The following TUBA4B variants were observed in gnomAD, a reference collection of about 807,000 sequenced individuals.
TUBA4B encodes tubulin alpha 4b, also known as tubulin-like protein alpha-4B.
TUBA4B carries 13 observed loss-of-function variants against 18.4 expected under a neutral mutation model. The ratio of observed to expected loss-of-function variants is 0.71; its 90% CI spans 0.46 to 1.12. TUBA4B has a LOEUF of 1.12. Among genes scored for constraint, TUBA4B ranks in the 50% most tolerant of loss-of-function variants. The pLI, the probability that TUBA4B is intolerant of heterozygous loss-of-function variation, is 0.00. For missense variants in TUBA4B, 244 were observed against 250.0 expected (o/e 0.98, Z 0.16); for synonymous variants, 101 against 99.1 (o/e 1.02, Z -0.11).
intron 2 of TUBA4B, among the ~76,000 whole-genome samples, chr2:219,268,312 C>T (rs1279423934): frequency 6.6e-6 from 1 of 151,958 alleles, no homozygotes; most frequent in Non-Finnish European, 1.5e-5. Flanking sequence ...TCAGGATGGT[C>T]TCGAGCTCCT....
chr2:219,260,188 G>C (rs906486428), intron 1 of TUBA4B, among the ~76,000 whole-genome samples: 2 of 151,920 alleles, frequency 1.3e-5, no homozygotes, highest in African/African-American at 4.8e-5. Flanking sequence ...CCAGTCTCAG[G>C]TTCTCTTATT....
At chr2:219,270,995 G>A (rs2125078140) in intron 3 of TUBA4B, among the ~76,000 whole-genome samples, 171 bp from the exon 4 acceptor site, 1 of 152,270 alleles carries the variant, frequency 6.6e-6, no homozygotes, top group South Asian at 2.1e-4. Flanking sequence ...GGGACAGGGA[G>A]GAGAAAGGGT....
chr2:219,254,372 G>A (rs1358930472), intron 1 of TUBA4B: 1 of 152,774 alleles, frequency 6.5e-6, no homozygotes, highest in Non-Finnish European at 1.5e-5. Flanking sequence ...GTGAGGCTGT[G>A]GCGCGTCCCC....
intron 2 of TUBA4B, among the ~76,000 whole-genome samples, chr2:219,268,105 CTTTTTTTT>C (rs544596055): frequency 1.7e-5 from 2 of 118,734 alleles, no homozygotes; most frequent in East Asian, 5.6e-4. Context: ...AACTCATTAT[CTTTTTTTT>C]TTTTTTTTTT....
At chr2:219,266,890 G>A (rs1951793661) in intron 2 of TUBA4B, among the ~76,000 whole-genome samples, 1 of 152,130 alleles carries the variant, frequency 6.6e-6, no homozygotes, top group African/African-American at 2.4e-5. Context: ...AGAAAGTGTA[G>A]GCGATTTCCT....
chr2:219,266,705 G>T, intron 2 of TUBA4B, 139 bp downstream of exon 2: 2 of 625,480 alleles, frequency 3.2e-6, no homozygotes, highest in South Asian at 1.8e-5. Context: ...GAGGGAAAGA[G>T]ACTTCCAGAT....
intron 1 of TUBA4B, among the ~76,000 whole-genome samples, chr2:219,263,679 C>T (rs1324259418): frequency 6.6e-6 from 1 of 152,136 alleles, no homozygotes; most frequent in African/African-American, 2.4e-5. Flanking sequence ...ATGGGCCAAC[C>T]CAGTAGAAGG....
chr2:219,271,218 G>T lies in TUBA4B; in HGVS notation c.245G>T (p.Arg82Leu). ...QGFLVFHSLG[R>L]GTGSDVTSFL... ...TTCCTGGTGTTCCACAGCCTTGGTC[G>T]GGGCACTGGCTCTGACGTCACCTCA... The change falls in exon 4 of 4, where the codon CGG becomes CTG. Residue 82 changes from arginine (R) to leucine (L), a missense_variant. Arg to Leu is a moderately radical substitution (Grantham distance 102). Coordinates refer to ENST00000490341, the MANE Select transcript of TUBA4B (RefSeq NM_001355221.1). The T allele has an allele frequency of 8.6e-7, 1 of 1,163,578 alleles. No individual in the cohort carries two copies. The highest frequency in any genetic ancestry group is 1.3e-6 in the Non-Finnish European group (1 of 769,456). The allele number at this position is 1,163,578 out of a possible 1,614,324, so 72.1% of individuals were successfully genotyped here.
chr2:219,270,211 G>A lies in TUBA4B; in HGVS notation c.68G>A (p.Arg23His), dbSNP rs765471409. 2.5e-5 allele frequency: 19 copies of A among 755,008 alleles called. No individual in the cohort carries two copies. Among genetic ancestry groups the A allele is most frequent in the Admixed American group, 9.0e-5 (5 of 55,710 alleles). The allele number at this position is 755,008 out of a possible 1,614,324, so 46.8% of individuals were successfully genotyped here. Residue 23 changes from arginine (R) to histidine (H), a missense_variant, in exon 3 of 4, where the codon CGC becomes CAC. Transcript: ENST00000490341. ...QPLSRQHGTY[R>H]QIFHPEQLIT... ...GATGAACTTTGAACAGGCACATACC[G>A]CCAGATCTTCCATCCAGAGCAGCTC...
intron 2 of TUBA4B, among the ~76,000 whole-genome samples, chr2:219,268,436 G>A (rs1437548645): frequency 1.3e-5 from 2 of 152,128 alleles, no homozygotes; most frequent in East Asian, 3.9e-4. Context: ...AGGGATTGAG[G>A]GTGGGAAATT....
intron 1 of TUBA4B, among the ~76,000 whole-genome samples, chr2:219,264,698 A>G (rs1401614155): frequency 6.6e-6 from 1 of 152,152 alleles, no homozygotes; most frequent in East Asian, 1.9e-4. Context: ...ATGGAGTAGG[A>G]TGGCACTAGA....
intron 3 of TUBA4B, among the ~76,000 whole-genome samples, chr2:219,270,733 C>T (rs574529948): frequency 4.6e-5 from 7 of 152,042 alleles, no homozygotes; most frequent in Admixed American, 6.5e-5. Flanking sequence ...TTGGCTTCTA[C>T]GAAGGATGGG....
chr2:219,263,445 A>G (rs1951771235), intron 1 of TUBA4B, among the ~76,000 whole-genome samples: 1 of 152,264 alleles, frequency 6.6e-6, no homozygotes, highest in Admixed American at 6.5e-5. Flanking sequence ...GTGAGCCAAG[A>G]TCACAAAACT....
At chr2:219,257,835 A>G (rs1344638433) in intron 1 of TUBA4B, among the ~76,000 whole-genome samples, 1 of 151,220 alleles carries the variant, frequency 6.6e-6, no homozygotes, top group Non-Finnish European at 1.5e-5. Context: ...ATATATATAT[A>G]CACACACTAT....
chr2:219,264,543 T>A (rs1382133321), intron 1 of TUBA4B, among the ~76,000 whole-genome samples: 1 of 150,626 alleles, frequency 6.6e-6, no homozygotes, highest in Non-Finnish European at 1.5e-5. Context: ...TCTTGAGCGG[T>A]GGGGCTGTTA....
chr2:219,267,059 C>T (rs886319499), intron 2 of TUBA4B, among the ~76,000 whole-genome samples: 3 of 152,130 alleles, frequency 2.0e-5, no homozygotes, highest in Non-Finnish European at 4.4e-5. Flanking sequence ...TCTGACCTCT[C>T]ATGTCAGTTA....
chr2:219,269,418 A>G (rs746985246), intron 2 of TUBA4B, among the ~76,000 whole-genome samples: 31 of 152,042 alleles, frequency 2.0e-4, no homozygotes, highest in Admixed American at 3.9e-4. Flanking sequence ...GCTTCCCCCA[A>G]TGATTTTGGC....
In TUBA4B at chr2:219,271,788, T is replaced by G; in HGVS notation, c.*89T>G. ...CCAAGGATGTCAACGCTGCCATTGC[T>G]GCCATCAAGACCAAGTGCAGCATTC... On this transcript the variant is annotated 3_prime_UTR_variant, in exon 4 of 4. Coordinates refer to ENST00000490341, the MANE Select transcript of TUBA4B (RefSeq NM_001355221.1). The G allele has an allele frequency of 6.2e-7, 1 of 1,608,288 alleles. No individual in the cohort carries two copies. The highest frequency in any genetic ancestry group is 1.1e-5 in the South Asian group (1 of 90,960).
At chr2:219,262,870 G>A (rs1056831797) in intron 1 of TUBA4B, among the ~76,000 whole-genome samples, 4 of 151,802 alleles carry the variant, frequency 2.6e-5, no homozygotes, top group African/African-American at 4.8e-5. Flanking sequence ...ATGAAACCCC[G>A]TCTCTACTAA....
Sources: allele counts gnomAD v4.1 joint callset (sites outside exome capture counted in the v4.1 genomes callset), GRCh38; gene constraint gnomAD v4.1.1; transcripts MANE v1.5; gene names NCBI Gene and HGNC (gene_info 2026-07-23, HGNC 2026-07-21).